The following ENOX1 variants were observed in gnomAD, a reference collection of about 807,000 sequenced individuals.
ENOX1 encodes the protein candidate growth-related and time keeping constitutive hydroquinone (NADH) oxidase.
Under a neutral mutation model 82.5 loss-of-function variants are expected in ENOX1, and 42 were observed. That is an observed-to-expected ratio of 0.51 (90% CI 0.40 to 0.66). The LOEUF is 0.66. Ranked by LOEUF, ENOX1 falls within the 30% of genes least tolerant of loss-of-function variation. The pLI, the probability that ENOX1 is intolerant of heterozygous loss-of-function variation, is 0.00. For missense variants in ENOX1, 608 were observed against 811.6 expected (o/e 0.75, Z 3.05); for synonymous variants, 271 against 282.2 (o/e 0.96, Z 0.40).
At chr13:43,366,581 A>C (rs1339674593) in intron 5 of ENOX1, among the ~76,000 whole-genome samples, 2 of 152,106 alleles carry the variant, frequency 1.3e-5, no homozygotes, top group Admixed American at 1.3e-4. Context: ...TGGCCAGCTG[A>C]CTGGCTTTTT....
intron 11 of ENOX1, 127 bp downstream of exon 11, chr13:43,322,257 C>T: frequency 1.6e-6 from 1 of 643,606 alleles, no homozygotes; most frequent in Non-Finnish European, 2.7e-6. Flanking sequence ...AAAGCAGAGT[C>T]ACTCAAAGAT....
intron 12 of ENOX1, among the ~76,000 whole-genome samples, chr13:43,284,275 T>A (rs2045564390): frequency 6.6e-6 from 1 of 151,180 alleles, no homozygotes; most frequent in Admixed American, 6.6e-5. Context: ...GAAAGAAATA[T>A]AAACACCAGA....
At chr13:43,711,683 AT>A (rs1225817561) in intron 1 of ENOX1, among the ~76,000 whole-genome samples, 1 of 151,918 alleles carries the variant, frequency 6.6e-6, no homozygotes, top group Non-Finnish European at 1.5e-5. Context: ...GATGATGAGC[AT>A]TTTTTCATGT....
At chr13:43,573,486 T>A (rs1352519058) in intron 2 of ENOX1, among the ~76,000 whole-genome samples, 2 of 152,226 alleles carry the variant, frequency 1.3e-5, no homozygotes, top group Non-Finnish European at 1.5e-5. Context: ...CTACCATACG[T>A]GCATTCTTTA....
intron 2 of ENOX1, among the ~76,000 whole-genome samples, chr13:43,536,292 C>G (rs2153691272): frequency 6.6e-6 from 1 of 152,296 alleles, no homozygotes; most frequent in East Asian, 1.9e-4. Flanking sequence ...TCTATAATCA[C>G]TCTCTAGCCG....
At position 43,502,053 on chromosome 13, in the gene ENOX1, C is replaced by A. The variant is rs377235433; in HGVS notation, c.-218-17901G>T. The stretch of plus-strand genomic sequence containing the variant: ...AAAAGAGGGGCCATTATAACTGATG[C>A]CACAAAAATAAAAAATATCATAATA... On this transcript the variant is annotated intron_variant, in intron 2 of 16. Transcript: ENST00000690772. Among the ~76,000 whole-genome samples the A allele has an allele frequency of 5.3e-5, 8 of 151,176 alleles. No homozygotes were observed. In the East Asian group the frequency reaches 1.4e-3, roughly 26 times the overall value.
rs1974007 is a variant in ENOX1 at position 43,479,937 on chromosome 13, T to A, written c.-75+4072A>T. On this transcript the variant is annotated intron_variant, in intron 3 of 16. Coordinates refer to ENST00000690772, the MANE Select transcript of ENOX1 (RefSeq NM_001347969.2). Reference sequence around the variant, plus strand: ...AACATTCTTTTATTTATTTTTATTTTTATTTTTTTTTTTTTGAGACAGAGC... The same window carrying A: ...AACATTCTTTTATTTATTTTTATTTATATTTTTTTTTTTTTGAGACAGAGC... Among the ~76,000 whole-genome samples the A allele has an allele frequency of 4.4e-3, 303 of 69,292 alleles. 2 individuals carry two copies. In the East Asian group the frequency reaches 0.21, roughly 48 times the overall value. The allele number at this position is 69,292 out of a possible 152,430, so 45.5% of individuals were successfully genotyped here. A position where few individuals can be genotyped will look rare whatever the true frequency, so the allele number is the denominator to read the frequency against.
At chr13:43,598,965 A>C (rs1403042062) in intron 2 of ENOX1, among the ~76,000 whole-genome samples, 1 of 152,176 alleles carries the variant, frequency 6.6e-6, no homozygotes, top group African/African-American at 2.4e-5. Context: ...TAAATGTGTT[A>C]ACAGTGCCTT....
intron 2 of ENOX1, among the ~76,000 whole-genome samples, chr13:43,592,215 A>G (rs7336364): frequency 0.32 from 49,421 of 152,158 alleles, 10,754 homozygotes; most frequent in East Asian, 0.73. Flanking sequence ...CACACTTCTT[A>G]TATTACTATT....
intron 2 of ENOX1, among the ~76,000 whole-genome samples, chr13:43,564,965 G>C (rs563465077): frequency 2.6e-5 from 4 of 152,224 alleles, no homozygotes; most frequent in South Asian, 4.1e-4. Context: ...AAAAAGAAGT[G>C]GTAGTGGTGA....
rs869265102 is a variant in ENOX1 at position 43,247,883 on chromosome 13, A to ATTTTT, written c.1612-11150_1612-11146dup. ...TATATATATATATATATATATATAT[A>ATTTTT]TTTTTTTTTTTTTTTTTTTTGAGAC... On this transcript the variant is annotated intron_variant, in intron 14 of 16. Coordinates refer to ENST00000690772, the MANE Select transcript of ENOX1 (RefSeq NM_001347969.2). 6.6e-3 allele frequency among the ~76,000 whole-genome samples: 96 copies of ATTTTT among 14,618 alleles called. 11 individuals are homozygous for ATTTTT. Among genetic ancestry groups the ATTTTT allele is most frequent in the Non-Finnish European group, 0.014 (77 of 5,400 alleles). The allele number at this position is 14,618 out of a possible 152,430, so 9.6% of individuals were successfully genotyped here.
At chr13:43,630,860 T>TATATAC (rs34023929) in intron 2 of ENOX1, among the ~76,000 whole-genome samples, 2 of 147,798 alleles carry the variant, frequency 1.4e-5, no homozygotes, top group Admixed American at 6.7e-5. Flanking sequence ...TATATATATA[T>TATATAC]ACACACACAC....
At chr13:43,524,648 A>G (rs2077913952) in intron 2 of ENOX1, among the ~76,000 whole-genome samples, 1 of 152,048 alleles carries the variant, frequency 6.6e-6, no homozygotes, top group Admixed American at 6.6e-5. Flanking sequence ...GGGCCTTTGT[A>G]CATGCCTGTT....
At chr13:43,670,148 G>C (rs1003520993) in intron 1 of ENOX1, among the ~76,000 whole-genome samples, 13 of 152,110 alleles carry the variant, frequency 8.5e-5, no homozygotes, top group African/African-American at 3.1e-4. Context: ...AGCACACAAA[G>C]AGCCTCATTT....
At chr13:43,667,643 CAA>C (rs1206652024) in intron 1 of ENOX1, 99 bp from the exon 2 acceptor site, 8 of 269,480 alleles carry the variant, frequency 3.0e-5, no homozygotes, top group Admixed American at 2.6e-4. Context: ...GTTTCGCCTG[CAA>C]AGTTCGAGCT....
intron 1 of ENOX1, among the ~76,000 whole-genome samples, chr13:43,680,046 T>C: frequency 6.6e-6 from 1 of 152,206 alleles, no homozygotes; most frequent in East Asian, 1.9e-4. Flanking sequence ...AAAGGGGTTT[T>C]TCTCATAACT....
intron 16 of ENOX1, among the ~76,000 whole-genome samples, chr13:43,223,488 C>T (rs2041888063): frequency 6.6e-6 from 1 of 152,110 alleles, no homozygotes; most frequent in Non-Finnish European, 1.5e-5. Context: ...TGGGAAAAAC[C>T]GAGCTTCAGG....
At chr13:43,323,155 G>GCA (rs143641636) in intron 10 of ENOX1, among the ~76,000 whole-genome samples, 3 of 151,924 alleles carry the variant, frequency 2.0e-5, no homozygotes, top group Non-Finnish European at 4.4e-5. Flanking sequence ...ACACACACAG[G>GCA]CACACACACA....
intron 1 of ENOX1, among the ~76,000 whole-genome samples, chr13:43,718,341 A>C (rs1279280898): frequency 2.0e-5 from 3 of 152,136 alleles, no homozygotes; most frequent in South Asian, 2.1e-4. Context: ...ACACATAGAC[A>C]TAAATATGGG....
Sources: allele counts gnomAD v4.1 joint callset (sites outside exome capture counted in the v4.1 genomes callset), GRCh38; gene constraint gnomAD v4.1.1; transcripts MANE v1.5; gene names NCBI Gene and HGNC (gene_info 2026-07-23, HGNC 2026-07-21).